Variants in CHIC2 observed in about 807,000 individuals in gnomAD.
CHIC2 encodes cysteine rich hydrophobic domain 2.
A neutral mutation model predicts 25.9 loss-of-function variants in CHIC2; 14 were observed. The observed-to-expected ratio is 0.54, with a 90% CI of 0.36 to 0.85. The LOEUF is 0.85. Among genes scored for constraint, CHIC2 ranks in the 40% least tolerant of loss-of-function variants. The pLI, the probability that CHIC2 is intolerant of heterozygous loss-of-function variation, is 0.01. For synonymous variants in CHIC2, 70 were observed against 72.0 expected, an observed-to-expected ratio of 0.97 and a Z score of 0.14; for missense variants, 146 against 202.0, an observed-to-expected ratio of 0.72 and a Z score of 1.68.
rs1200142953 is a variant in CHIC2, at chr4:54,041,935, C to T, written c.330+7020G>A. ...ATGATGGGCTGATGTGTGCAGCAAA[C>T]CACCATGGCACGTGTATACCTATGT... On this transcript the variant is annotated intron_variant, in intron 3 of 5. Coordinates refer to ENST00000263921, the MANE Select transcript of CHIC2 (RefSeq NM_012110.4). 3.3e-5 allele frequency among the ~76,000 whole-genome samples: 5 copies of T among 151,564 alleles called. No individual in the cohort carries two copies. The East Asian group carries it at 9.7e-4, about 29-fold the overall frequency.
At chr4:54,017,818 AAAAAACAAAAAC>A (rs553939383) in intron 3 of CHIC2, among the ~76,000 whole-genome samples, 27 of 152,140 alleles carry the variant, frequency 1.8e-4, no homozygotes, top group Non-Finnish European at 3.1e-4. Flanking sequence ...TTTTTCTTTA[AAAAAACAAAAAC>A]AAAAACAAAA....
the CHIC2 span, among the ~76,000 whole-genome samples, chr4:54,070,607 G>A: frequency 6.6e-6 from 1 of 152,014 alleles, no homozygotes; most frequent in Non-Finnish European, 1.5e-5. Flanking sequence ...ATTTTTAGTA[G>A]AGACGGGGTT....
At chr4:54,055,653 T>A (rs563278675) in intron 1 of CHIC2, among the ~76,000 whole-genome samples, 1 of 152,298 alleles carries the variant, frequency 6.6e-6, no homozygotes, top group South Asian at 2.1e-4. Context: ...CTGAACATAT[T>A]GGTTATGCAG....
chr4:54,043,852 G>A (rs1293694220), intron 3 of CHIC2, among the ~76,000 whole-genome samples: 2 of 152,192 alleles, frequency 1.3e-5, no homozygotes, highest in Non-Finnish European at 2.9e-5. Flanking sequence ...AAAAGGCACA[G>A]ACTGGCAAAC....
Position 54,010,055 on chromosome 4 carries a change from A to G in CHIC2, c.*40T>C, listed in dbSNP as rs1025174050. 6.9e-7 allele frequency: 1 copy of G among 1,439,318 alleles called. No individual in the cohort carries two copies. The highest frequency in any genetic ancestry group is 9.7e-7 in the Non-Finnish European group (1 of 1,027,042). 89.2% of individuals were successfully genotyped at this position (1,439,318 alleles called of 1,614,324 possible). A position where few individuals can be genotyped will look rare whatever the true frequency, so the allele number is the denominator to read the frequency against. On this transcript the variant is annotated 3_prime_UTR_variant, in exon 6 of 6. Transcript: ENST00000263921. ...AGCACCAAGCAAGGCACCATTGGAA[A>G]GACAACATACTTGGAAAGTCTCTAT...
At chr4:54,022,415 G>A (rs1458390921) in intron 3 of CHIC2, among the ~76,000 whole-genome samples, 2 of 151,940 alleles carry the variant, frequency 1.3e-5, no homozygotes, top group Non-Finnish European at 2.9e-5. Context: ...TATTTTCAAC[G>A]ACCTGTTTCC....
intron 1 of CHIC2, among the ~76,000 whole-genome samples, chr4:54,051,077 T>C (rs1018074164): frequency 2.6e-5 from 4 of 152,108 alleles, no homozygotes; most frequent in African/African-American, 7.2e-5. Flanking sequence ...AATTCTGAAC[T>C]GTAAAATTCT....
chr4:54,064,221 G>A lies in CHIC2; in HGVS notation c.80C>T (p.Pro27Leu). The A allele has an allele frequency of 1.2e-6, 2 of 1,607,822 alleles. No homozygotes were observed. Among genetic ancestry groups the A allele is most frequent in the South Asian group, 2.2e-5 (2 of 89,900 alleles). The change falls in exon 1 of 6, where the codon CCG (proline) becomes CTG (leucine). Residue 27 changes from proline (P) to leucine (L), a missense_variant. Transcript: ENST00000263921. The surrounding 1 kb of genome is among the most constrained non-coding windows in gnomAD (Gnocchi z 4.2). Reference sequence around the variant, plus strand: ...GGAGCCGCGGACGACCACCGGGTCCGGCGAGTACTTGAGCAGCTGCTCCTC... The same window carrying A: ...GGAGCCGCGGACGACCACCGGGTCCAGCGAGTACTTGAGCAGCTGCTCCTC... ...ALEEQLLKYSPDPVVVRGSGH... is the reference protein window; with the variant it reads ...ALEEQLLKYSLDPVVVRGSGH...
At chr4:54,056,354 T>C (rs914065714) in intron 1 of CHIC2, among the ~76,000 whole-genome samples, 2 of 152,328 alleles carry the variant, frequency 1.3e-5, no homozygotes, top group South Asian at 2.1e-4. Context: ...ATATTCTTCA[T>C]ACTTCTATAA....
chr4:54,073,044 G>A, the CHIC2 span, among the ~76,000 whole-genome samples: 13 of 152,078 alleles, frequency 8.5e-5, no homozygotes, highest in African/African-American at 3.1e-4. Context: ...CTCCAGCCTG[G>A]GTGACAGAGC....
At chr4:54,091,003 C>G in the CHIC2 span, among the ~76,000 whole-genome samples, 1 of 152,048 alleles carries the variant, frequency 6.6e-6, no homozygotes, top group East Asian at 1.9e-4. Context: ...CTTGTTCTCA[C>G]GGTTTCCCAA....
chr4:54,045,734 T>C (rs1414194753), intron 3 of CHIC2, among the ~76,000 whole-genome samples: 235 of 151,878 alleles, frequency 1.5e-3, no homozygotes, highest in Non-Finnish European at 3.0e-3. Flanking sequence ...CTTTGAAAAC[T>C]GGCACAAGAC....
upstream of CHIC2, chr4:54,064,615 G>A (rs1560401130): frequency 8.9e-7 from 1 of 1,126,782 alleles, no homozygotes; most frequent in Non-Finnish European, 1.1e-6. The surrounding 1 kb of genome is among the most constrained non-coding windows in gnomAD (Gnocchi z 4.2). Flanking sequence ...CACAGCAACA[G>A]CCCGAGCCAC....
chr4:54,057,828 G>A (rs1398608731), intron 1 of CHIC2, among the ~76,000 whole-genome samples: 1 of 152,124 alleles, frequency 6.6e-6, no homozygotes, highest in Non-Finnish European at 1.5e-5. Context: ...CAAAACCCAA[G>A]CATCTACATT....
chr4:54,043,834 C>T (rs944654573), intron 3 of CHIC2, among the ~76,000 whole-genome samples: 9 of 152,240 alleles, frequency 5.9e-5, no homozygotes, highest in Admixed American at 3.9e-4. Context: ...GGGCTAAATG[C>T]TCCAATTAAA....
chr4:54,043,952 G>A (rs1716680303), intron 3 of CHIC2, among the ~76,000 whole-genome samples: 1 of 152,160 alleles, frequency 6.6e-6, no homozygotes, highest in Non-Finnish European at 1.5e-5. Context: ...TAAAGGGATG[G>A]AGGAAGATCT....
At chr4:54,026,864 A>G (rs1340914219) in intron 3 of CHIC2, among the ~76,000 whole-genome samples, 1 of 152,160 alleles carries the variant, frequency 6.6e-6, no homozygotes, top group African/African-American at 2.4e-5. Flanking sequence ...GTTTCATTTC[A>G]ATTATATTTT....
intron 3 of CHIC2, among the ~76,000 whole-genome samples, chr4:54,028,484 T>C (rs1411568617): frequency 6.6e-6 from 1 of 152,214 alleles, no homozygotes; most frequent in Non-Finnish European, 1.5e-5. Flanking sequence ...AATATCTGAT[T>C]TGTAATTTTG....
At chr4:54,074,866 G>A in the CHIC2 span, among the ~76,000 whole-genome samples, 75 of 152,246 alleles carry the variant, frequency 4.9e-4, no homozygotes, top group Admixed American at 2.9e-3. Context: ...CCAACACTTT[G>A]TGAGGCCAAG....
Sources: gnomAD v4.1 joint callset for allele counts (sites outside exome capture counted in the v4.1 genomes callset) on GRCh38, gnomAD v4.1.1 for gene constraint, Gnocchi (gnomAD v3.1) non-coding constraint, MANE v1.5 for transcripts, NCBI Gene and HGNC (gene_info 2026-07-23, HGNC 2026-07-21) for gene names.